Variants in CIT observed in about 807,000 individuals in gnomAD.
CIT encodes citron Rho-interacting kinase.
A neutral mutation model predicts 272.7 loss-of-function variants in CIT; 79 were observed. The observed-to-expected ratio is 0.29, with a 90% CI of 0.24 to 0.35. The LOEUF (loss-of-function observed/expected upper bound fraction) is 0.35. CIT is among the 10% of genes least tolerant of loss of function. CIT has a pLI of 1.00. For missense variants in CIT, 1,909 were observed against 2,618.3 expected, an observed-to-expected ratio of 0.73 and a Z score of 5.91; for synonymous variants, 948 against 995.6, an observed-to-expected ratio of 0.95 and a Z score of 0.90.
At chr12:119,704,555 C>T in intron 40 of CIT, 100 bp from the exon 41 acceptor site, 1 of 985,124 alleles carries the variant, frequency 1.0e-6, no homozygotes, top group Non-Finnish European at 1.6e-6. Flanking sequence ...ATTGATGATT[C>T]AGACCAGATC....
In CIT at chr12:119,701,048, A is replaced by G. The variant is rs143647522; in HGVS notation, c.5543-223T>C. 0.017 allele frequency: 4,476 copies of G among 270,644 alleles called. 189 individuals carry two copies. Among genetic ancestry groups the G allele is most frequent in the African/African-American group, 0.091 (4,062 of 44,700 alleles). 16.8% of individuals were successfully genotyped at this position (270,644 alleles called of 1,614,324 possible). A position where few individuals can be genotyped will look rare whatever the true frequency, so the allele number is the denominator to read the frequency against. ...TTAATTTATTAAATTTTATTAAAGA[A>G]AGAGAACTCAAGTGAAAAGAAGGAA... is the stretch of plus-strand genomic sequence containing the variant. On this transcript the variant is annotated intron_variant, in intron 43 of 47. Transcript: ENST00000392521.
At chr12:119,806,999 C>T (rs11064915) in intron 9 of CIT, among the ~76,000 whole-genome samples, 3,116 of 152,182 alleles carry the variant, frequency 0.02, 80 homozygotes, top group East Asian at 0.12. Context: ...GCAGTTAGAT[C>T]TGAGGGAATC....
intron 28 of CIT, among the ~76,000 whole-genome samples, chr12:119,725,248 C>T (rs1216584224): frequency 6.6e-6 from 1 of 151,880 alleles, no homozygotes; most frequent in African/African-American, 2.4e-5. Flanking sequence ...CATCGTGAAA[C>T]CTTGTCTCTA....
In CIT at chr12:119,713,927, C is replaced by T. The variant is rs762667694; in HGVS notation, c.4306+270G>A. The T allele has an allele frequency of 7.3e-5, 44 of 603,538 alleles. No individual in the cohort carries two copies. The highest frequency in any genetic ancestry group is 1.1e-4 in the Non-Finnish European group (39 of 342,126). 37.4% of individuals were successfully genotyped at this position (603,538 alleles called of 1,614,324 possible). The stretch of plus-strand genomic sequence containing the variant: ...GTTTGCATGTTTCAGTTGGAGTCAG[C>T]GGAAAGGTAGGGAGAGACCAGCCTG... On this transcript the variant is annotated intron_variant, in intron 33 of 47. Coordinates refer to ENST00000392521, the MANE Select transcript of CIT (RefSeq NM_001206999.2). This position sits in a 1 kb window ranked among gnomAD's most constrained non-coding sequence, Gnocchi z 5.2.
chr12:119,695,216 T>C (rs56028326), intron 46 of CIT, among the ~76,000 whole-genome samples: 9,443 of 152,092 alleles, frequency 0.062, 976 homozygotes, highest in African/African-American at 0.22. Flanking sequence ...CCCAGATCTG[T>C]GGAAGAGTTG....
intron 9 of CIT, among the ~76,000 whole-genome samples, chr12:119,818,814 T>C (rs1566086879): frequency 6.6e-6 from 1 of 152,234 alleles, no homozygotes; most frequent in African/African-American, 2.4e-5. Context: ...ACTGTTGAGA[T>C]ATGGCAGTCT....
chr12:119,795,387 A>AAAAT (rs935368288), intron 10 of CIT, among the ~76,000 whole-genome samples: 24 of 152,176 alleles, frequency 1.6e-4, no homozygotes, highest in Admixed American at 4.6e-4. Context: ...ACTCTGTCTC[A>AAAAT]AAATAAATAA....
At position 119,868,958 on chromosome 12, in the gene CIT, G is replaced by A. The variant is rs1950589394; in HGVS notation, c.238+102C>T. 4 of 1,386,332 alleles carry A rather than the reference G, an allele frequency of 2.9e-6. No individual in the cohort carries two copies. The South Asian group carries it at 3.7e-5, about 13-fold the overall frequency. The allele number at this position is 1,386,332 out of a possible 1,614,324, so 85.9% of individuals were successfully genotyped here. ...TGGATCTGTCTTATATAGAACCAGA[G>A]TTCTTACCGACTACTATCAACCAGT... On this transcript the variant is annotated intron_variant, in intron 3 of 47. Coordinates refer to ENST00000392521, the MANE Select transcript of CIT (RefSeq NM_001206999.2).
intron 13 of CIT, among the ~76,000 whole-genome samples, chr12:119,781,321 C>T (rs542396474): frequency 1.3e-5 from 2 of 152,294 alleles, no homozygotes; most frequent in Admixed American, 1.3e-4. Flanking sequence ...TTAAAATATT[C>T]AGATGATAAA....
chr12:119,700,808 C>T lies in CIT; in HGVS notation c.5560G>A (p.Asp1854Asn). Reference sequence around the variant, plus strand: ...GTGCGGCTACGTCTTCCGTAAGAATCCACGAACACTCCAAATTCTGCAAGG... The same window carrying T: ...GTGCGGCTACGTCTTCCGTAAGAATTCACGAACACTCCAAATTCTGCAAGG... Reference protein sequence around the residue: ...LCFHEFGVFVDSYGRRSRTDD... With the variant: ...LCFHEFGVFVNSYGRRSRTDD... Residue 1854 changes from aspartate (D) to asparagine (N), a missense_variant, in exon 44 of 48, where the codon GAT (aspartate) becomes AAT (asparagine). By Grantham distance (23) the Asp-to-Asn change is conservative. Around this residue, in one of 8 missense-constraint regions of CIT, gnomAD observed 780 missense variants for 1,067.2 expected, o/e 0.73. Transcript: ENST00000392521. 1 of 1,613,920 alleles carries T rather than the reference C, an allele frequency of 6.2e-7. No individual in the cohort carries two copies. Among genetic ancestry groups the T allele is most frequent in the South Asian group, 1.1e-5 (1 of 91,074 alleles).
At chr12:119,796,564 G>A (rs1425253125) in intron 10 of CIT, among the ~76,000 whole-genome samples, 1 of 152,210 alleles carries the variant, frequency 6.6e-6, no homozygotes, top group African/African-American at 2.4e-5. Flanking sequence ...TACTGAGTGA[G>A]CGAGTGGGTC....
At chr12:119,732,669 A>G (rs1958525895) in intron 26 of CIT, among the ~76,000 whole-genome samples, 1 of 152,246 alleles carries the variant, frequency 6.6e-6, no homozygotes, top group Non-Finnish European at 1.5e-5. Flanking sequence ...ACTTTGCGTA[A>G]TCCATCTGAC....
intron 5 of CIT, among the ~76,000 whole-genome samples, chr12:119,836,115 C>T (rs888887431): frequency 2.6e-5 from 4 of 151,562 alleles, no homozygotes; most frequent in South Asian, 2.1e-4. Context: ...GGTGAAACCC[C>T]GTCTTTACTA....
At chr12:119,720,127 T>C (rs1188517516) in intron 30 of CIT, among the ~76,000 whole-genome samples, 1 of 152,186 alleles carries the variant, frequency 6.6e-6, no homozygotes, top group African/African-American at 2.4e-5. Context: ...ACTTGCTAAC[T>C]CCCTCTAGAG....
intron 44 of CIT, chr12:119,699,750 C>G: frequency 4.4e-6 from 2 of 455,386 alleles, no homozygotes; most frequent in Non-Finnish European, 8.8e-6. Context: ...TGAAGCAGAA[C>G]TGTCCAGTCA....
chr12:119,744,404 A>G (rs1010950093), intron 23 of CIT, among the ~76,000 whole-genome samples: 6 of 122,754 alleles, frequency 4.9e-5, no homozygotes, highest in Non-Finnish European at 1.0e-4. Flanking sequence ...ATTTAATTAT[A>G]AAAAAAAAAA....
At chr12:119,726,745 G>C in intron 28 of CIT, among the ~76,000 whole-genome samples, 1 of 152,088 alleles carries the variant, frequency 6.6e-6, no homozygotes, top group East Asian at 1.9e-4. Context: ...TGTCCTTGCA[G>C]GTCAATCCTA....
chr12:119,791,073 T>C (rs1252529046), intron 10 of CIT, among the ~76,000 whole-genome samples: 1 of 152,212 alleles, frequency 6.6e-6, no homozygotes, highest in Non-Finnish European at 1.5e-5. Flanking sequence ...TATACCTCTA[T>C]GTTCTCCTAC....
rs528820128 is a variant in CIT, at chr12:119,834,169, C to T, written c.576G>A (p.Gln192=). Residue 192 remains glutamine, a synonymous_variant, in exon 6 of 48, where the codon CAG becomes CAA. Transcript: ENST00000392521. ...LLSLLNRYED[Q]LDENLIQFYL... ...AAAACTGTATCAGGTTTTCATCTAA[C>T]TGGTCCTCATATCTATTCAAAAGTG... 2 of 1,614,046 alleles carry T rather than the reference C, an allele frequency of 1.2e-6. No homozygotes were observed. Among genetic ancestry groups the T allele is most frequent in the African/African-American group, 2.7e-5 (2 of 75,042 alleles).
Sources: allele counts gnomAD v4.1 joint callset (sites outside exome capture counted in the v4.1 genomes callset), GRCh38; gene constraint gnomAD v4.1.1; regional missense constraint gnomAD v4.1.1; non-coding constraint Gnocchi (gnomAD v3.1); transcripts MANE v1.5; gene names NCBI Gene and HGNC (gene_info 2026-07-23, HGNC 2026-07-21).